Variants in KCNIP4 observed in about 807,000 individuals in gnomAD.
KCNIP4 encodes the protein potassium voltage-gated channel interacting protein 4.
A neutral mutation model predicts 34.0 loss-of-function variants in KCNIP4; 12 were observed. The ratio of observed to expected loss-of-function variants is 0.35; its 90% CI spans 0.23 to 0.57. The LOEUF (loss-of-function observed/expected upper bound fraction) is 0.57, where lower values mean the gene tolerates loss of function less well. KCNIP4 is among the 20% of genes least tolerant of loss of function. The pLI is 0.83. For synonymous variants in KCNIP4, 124 were observed against 102.2 expected (o/e 1.21, Z -1.29); for missense variants, 238 against 311.7 (o/e 0.76, Z 1.78).
At chr4:21,659,495 AT>A (rs1206934773) in intron 1 of KCNIP4, among the ~76,000 whole-genome samples, 2 of 152,106 alleles carry the variant, frequency 1.3e-5, no homozygotes, top group African/African-American at 4.8e-5. Context: ...AGTCAAGTCC[AT>A]TTTATTTCTA....
Position 20,763,853 on chromosome 4 carries a change from C to T in KCNIP4, c.289-4963G>A, listed in dbSNP as rs543318940. On this transcript the variant is annotated intron_variant, in intron 3 of 8. Coordinates refer to ENST00000382152, the MANE Select transcript of KCNIP4 (RefSeq NM_025221.6). ...GATTACAGGTGTGAGCCCAGCCTCC[C>T]ACTGATGTTGTAACATGAAGATTAT... Among the ~76,000 whole-genome samples the T allele has an allele frequency of 2.0e-5, 3 of 152,260 alleles. No homozygotes were observed. In the East Asian group the frequency reaches 5.8e-4, roughly 29 times the overall value.
intron 1 of KCNIP4, among the ~76,000 whole-genome samples, chr4:21,302,290 A>T (rs1171177258): frequency 6.6e-6 from 1 of 152,212 alleles, no homozygotes; most frequent in Non-Finnish European, 1.5e-5. Flanking sequence ...AGTAGGTGTC[A>T]TCACCAAATC....
At chr4:21,107,237 C>G (rs1036963186) in intron 1 of KCNIP4, among the ~76,000 whole-genome samples, 11 of 145,392 alleles carry the variant, frequency 7.6e-5, no homozygotes, top group Non-Finnish European at 1.5e-4. Flanking sequence ...GAGTCTAAGT[C>G]TCTTTGTAGG....
intron 1 of KCNIP4, among the ~76,000 whole-genome samples, chr4:21,583,768 T>C (rs1189842115): frequency 6.6e-6 from 1 of 151,998 alleles, no homozygotes; most frequent in Non-Finnish European, 1.5e-5. Context: ...GAGTAGATGA[T>C]TTTACATGAT....
At chr4:20,871,976 T>G (rs1357299733) in intron 2 of KCNIP4, among the ~76,000 whole-genome samples, 1 of 152,162 alleles carries the variant, frequency 6.6e-6, no homozygotes, top group Non-Finnish European at 1.5e-5. Flanking sequence ...CTGTCCAGAC[T>G]CTGCTCCATT....
rs1252252715 is a variant in KCNIP4, at chr4:21,764,817, C to G, written c.61+183754G>C. On this transcript the variant is annotated intron_variant, in intron 1 of 8. Transcript: ENST00000382152. ...CCTTAGGACTGGGAAGTCCTCAGGC[C>G]TCCTCCAACCCCCAGACTAGCTGGA... Among the ~76,000 whole-genome samples, 4 of 152,096 alleles carry G rather than the reference C, an allele frequency of 2.6e-5. No homozygotes were observed. The South Asian group carries it at 6.2e-4, about 24-fold the overall frequency.
At chr4:21,916,756 G>T (rs960045558) in intron 1 of KCNIP4, among the ~76,000 whole-genome samples, 4 of 152,174 alleles carry the variant, frequency 2.6e-5, no homozygotes, top group Admixed American at 1.3e-4. Flanking sequence ...GACGTTATTT[G>T]TTACCTAGCT....
intron 1 of KCNIP4, among the ~76,000 whole-genome samples, chr4:20,970,075 G>C (rs1256201146): frequency 6.6e-6 from 1 of 151,790 alleles, no homozygotes; most frequent in African/African-American, 2.4e-5. Context: ...CCAAGTAGCT[G>C]GGACTACAGG....
intron 1 of KCNIP4, among the ~76,000 whole-genome samples, chr4:21,469,212 G>A (rs375150469): frequency 7.2e-5 from 11 of 151,956 alleles, no homozygotes; most frequent in Admixed American, 2.0e-4. Context: ...CTACAAGCAC[G>A]TGCCACCATG....
At chr4:20,966,023 C>T (rs1366726257) in intron 1 of KCNIP4, among the ~76,000 whole-genome samples, 1 of 152,160 alleles carries the variant, frequency 6.6e-6, no homozygotes, top group Admixed American at 6.6e-5. Context: ...TTTACAATAA[C>T]AGGAAAAAGT....
chr4:21,504,475 A>AAAAAAAAAG (rs1264431211), intron 1 of KCNIP4, among the ~76,000 whole-genome samples: 3 of 101,850 alleles, frequency 2.9e-5, no homozygotes, highest in Non-Finnish European at 5.9e-5. Context: ...CAAAAAAAAA[A>AAAAAAAAAG]AAAGAAAGAA....
chr4:20,837,254 T>G (rs144648579), intron 3 of KCNIP4, among the ~76,000 whole-genome samples: 1,901 of 152,310 alleles, frequency 0.012, 20 homozygotes, highest in South Asian at 0.029. Flanking sequence ...CCCTTGTATT[T>G]TCCTGAAATT....
At chr4:21,141,262 G>C (rs1751928705) in intron 1 of KCNIP4, among the ~76,000 whole-genome samples, 1 of 152,008 alleles carries the variant, frequency 6.6e-6, no homozygotes, top group Admixed American at 6.6e-5. Context: ...TTCAATGCAG[G>C]GTTGCCACAA....
chr4:21,114,754 GA>G (rs1749545588), intron 1 of KCNIP4, among the ~76,000 whole-genome samples: 1 of 151,986 alleles, frequency 6.6e-6, no homozygotes, highest in Non-Finnish European at 1.5e-5. Flanking sequence ...ATTTTCCGAT[GA>G]AAAAACTCAG....
At chr4:21,581,757 C>G (rs188554593) in intron 1 of KCNIP4, among the ~76,000 whole-genome samples, 7 of 152,056 alleles carry the variant, frequency 4.6e-5, no homozygotes, top group Non-Finnish European at 8.8e-5. Context: ...ACTTGAAGAA[C>G]TGCCTCCTTC....
At chr4:21,028,319 A>T (rs994573040) in intron 1 of KCNIP4, among the ~76,000 whole-genome samples, 1 of 152,152 alleles carries the variant, frequency 6.6e-6, no homozygotes, top group Non-Finnish European at 1.5e-5. Context: ...TTTAAAATAG[A>T]AGTCAGATCT....
intron 1 of KCNIP4, among the ~76,000 whole-genome samples, chr4:21,028,174 C>T (rs575897059): frequency 2.6e-5 from 4 of 152,244 alleles, no homozygotes; most frequent in Middle Eastern, 3.4e-3. Context: ...TCCCCTCCCC[C>T]CCAATTGTCA....
At chr4:20,935,782 T>C (rs913738868) in intron 1 of KCNIP4, among the ~76,000 whole-genome samples, 1 of 152,190 alleles carries the variant, frequency 6.6e-6, no homozygotes, top group African/African-American at 2.4e-5. Flanking sequence ...TTTTTCATCC[T>C]GTACCAACCA....
At chr4:21,885,085 C>A (rs1012843423) in intron 1 of KCNIP4, among the ~76,000 whole-genome samples, 1 of 152,112 alleles carries the variant, frequency 6.6e-6, no homozygotes, top group Non-Finnish European at 1.5e-5. Flanking sequence ...TCCATGAGGG[C>A]AAGCAAAGTT....
Sources: gnomAD v4.1 joint callset for allele counts (sites outside exome capture counted in the v4.1 genomes callset) on GRCh38, gnomAD v4.1.1 for gene constraint, MANE v1.5 for transcripts, NCBI Gene and HGNC (gene_info 2026-07-23, HGNC 2026-07-21) for gene names.